Variants in L3MBTL4 observed in about 807,000 individuals in gnomAD.
L3MBTL4 encodes L3MBTL histone methyl-lysine binding protein 4.
A neutral mutation model predicts 84.5 loss-of-function variants in L3MBTL4; 70 were observed. That is an observed-to-expected ratio of 0.83 (90% CI 0.68 to 1.01). The LOEUF (loss-of-function observed/expected upper bound fraction) is 1.01, where lower values mean the gene tolerates loss of function less well. Ranked by LOEUF, L3MBTL4 falls within the 50% of genes least tolerant of loss-of-function variation. The pLI, the probability that L3MBTL4 is intolerant of heterozygous loss-of-function variation, is 0.00. For missense variants in L3MBTL4, 715 were observed against 754.8 expected, an observed-to-expected ratio of 0.95 and a Z score of 0.62; for synonymous variants, 274 against 259.8, an observed-to-expected ratio of 1.05 and a Z score of -0.52.
At chr18:5,959,451 G>A (rs966702010) in intron 18 of L3MBTL4, among the ~76,000 whole-genome samples, 4 of 152,150 alleles carry the variant, frequency 2.6e-5, no homozygotes. Context: ...TTCTGTAGCT[G>A]GTCCAGTCTC....
chr18:6,020,718 G>A (rs1401647071), intron 16 of L3MBTL4, among the ~76,000 whole-genome samples: 3 of 152,128 alleles, frequency 2.0e-5, no homozygotes, highest in African/African-American at 7.2e-5. Context: ...GTGAAGGAGA[G>A]GAGTCAAGGA....
intron 16 of L3MBTL4, among the ~76,000 whole-genome samples, chr18:5,986,606 G>T (rs958403457): frequency 5.3e-5 from 8 of 152,100 alleles, no homozygotes; most frequent in Admixed American, 2.6e-4. Flanking sequence ...TTCAAAATAG[G>T]CACTGTTAAA....
chr18:6,221,440 A>ATCTGCCAAGGGTCTATCACAAT (rs2046549225), intron 10 of L3MBTL4, among the ~76,000 whole-genome samples: 1 of 152,214 alleles, frequency 6.6e-6, no homozygotes, highest in African/African-American at 2.4e-5. Flanking sequence ...CAATAGACAG[A>ATCTGCCAAGGGTCTATCACAAT]ATGTTCAGCA....
intron 16 of L3MBTL4, among the ~76,000 whole-genome samples, chr18:5,972,003 C>G (rs1005737750): frequency 2.6e-5 from 4 of 152,108 alleles, no homozygotes; most frequent in Non-Finnish European, 2.9e-5. Context: ...TGAAGGGAAG[C>G]CTGAATAAAA....
chr18:6,196,922 C>T (rs138765784), intron 12 of L3MBTL4, among the ~76,000 whole-genome samples: 42 of 152,338 alleles, frequency 2.8e-4, no homozygotes, highest in Non-Finnish European at 4.6e-4. Context: ...CTTTCTCTCA[C>T]TTGCAACAGA....
At chr18:6,028,733 T>A (rs903373438) in intron 16 of L3MBTL4, among the ~76,000 whole-genome samples, 8 of 152,174 alleles carry the variant, frequency 5.3e-5, no homozygotes, top group African/African-American at 1.9e-4. Context: ...TTGTAGTTCT[T>A]CTTGAAGAGG....
Position 5,955,552 on chromosome 18 carries a change from C to G in L3MBTL4, c.*668G>C, listed in dbSNP as rs541639508. ...TTGGAAGTGCCCACCTGACCGTCCT[C>G]TCATTACTCCTGGCTACTCTCCTTT... is the stretch of plus-strand genomic sequence containing the variant. On this transcript the variant is annotated 3_prime_UTR_variant, in exon 19 of 19. Coordinates refer to ENST00000317931, the MANE Select transcript of L3MBTL4 (RefSeq NM_001330559.2). The G allele has an allele frequency of 2.0e-5, 3 of 152,366 alleles. No homozygotes were observed. The South Asian group carries it at 6.2e-4, about 32-fold the overall frequency. 9.4% of individuals were successfully genotyped at this position (152,366 alleles called of 1,614,324 possible).
At chr18:6,029,430 A>T (rs1468406654) in intron 16 of L3MBTL4, 1 of 951,848 alleles carries the variant, frequency 1.1e-6, no homozygotes, top group African/African-American at 1.8e-5. Flanking sequence ...CAAAATAATT[A>T]CATGAAAAAA....
At chr18:6,376,034 A>G (rs2054353741) in intron 1 of L3MBTL4, among the ~76,000 whole-genome samples, 1 of 151,984 alleles carries the variant, frequency 6.6e-6, no homozygotes. Flanking sequence ...GAAACTCCAA[A>G]CTCGTCACTG....
intron 17 of L3MBTL4, among the ~76,000 whole-genome samples, chr18:5,965,809 T>C (rs576587479): frequency 9.2e-5 from 14 of 152,298 alleles, no homozygotes; most frequent in Admixed American, 3.3e-4. Flanking sequence ...GGGCATCTAG[T>C]TGGGGAGACA....
intron 4 of L3MBTL4, among the ~76,000 whole-genome samples, chr18:6,292,877 C>T (rs1029828002): frequency 3.7e-5 from 4 of 107,060 alleles, no homozygotes; most frequent in Non-Finnish European, 8.0e-5. Flanking sequence ...CCTCCTCCAA[C>T]TCTAAGACTA....
chr18:6,253,017 C>G (rs111738650), intron 5 of L3MBTL4, among the ~76,000 whole-genome samples: 1 of 152,012 alleles, frequency 6.6e-6, no homozygotes, highest in Non-Finnish European at 1.5e-5. Flanking sequence ...TCCTGGCCAA[C>G]GTGGTGAAAC....
At chr18:6,319,564 C>A (rs2051297494) in intron 1 of L3MBTL4, among the ~76,000 whole-genome samples, 1 of 151,902 alleles carries the variant, frequency 6.6e-6, no homozygotes, top group African/African-American at 2.4e-5. Flanking sequence ...ACATACACCC[C>A]TCCTAGATTA....
intron 1 of L3MBTL4, among the ~76,000 whole-genome samples, chr18:6,322,629 A>T (rs1314712196): frequency 6.6e-6 from 1 of 152,198 alleles, no homozygotes; most frequent in Non-Finnish European, 1.5e-5. Flanking sequence ...CAGATGAATG[A>T]ATAAAGAAAA....
At chr18:6,020,101 A>G (rs1278812977) in intron 16 of L3MBTL4, among the ~76,000 whole-genome samples, 2 of 152,188 alleles carry the variant, frequency 1.3e-5, no homozygotes. Flanking sequence ...CAGTTAAATA[A>G]TTAAAATAGA....
intron 1 of L3MBTL4, among the ~76,000 whole-genome samples, chr18:6,363,907 A>G (rs2053820713): frequency 6.6e-6 from 1 of 152,034 alleles, no homozygotes; most frequent in African/African-American, 2.4e-5. Flanking sequence ...ACTTCTCATT[A>G]TTACCATGCT....
chr18:5,995,702 G>A (rs961589607), intron 16 of L3MBTL4, among the ~76,000 whole-genome samples: 2 of 152,178 alleles, frequency 1.3e-5, no homozygotes, highest in Admixed American at 6.5e-5. Context: ...CTAAGAACTC[G>A]TGCAGTAAAA....
At chr18:6,193,326 T>C (rs1378499843) in intron 12 of L3MBTL4, among the ~76,000 whole-genome samples, 2 of 151,680 alleles carry the variant, frequency 1.3e-5, no homozygotes, top group South Asian at 2.1e-4. Context: ...AGCCTATAAA[T>C]ACGAGGAATA....
At chr18:6,225,246 G>T (rs190777462) in intron 10 of L3MBTL4, among the ~76,000 whole-genome samples, 2 of 152,238 alleles carry the variant, frequency 1.3e-5, no homozygotes, top group Non-Finnish European at 2.9e-5. Flanking sequence ...CAGAGCATAC[G>T]AGGAAGCAGT....
Sources: gnomAD v4.1 joint callset for allele counts (sites outside exome capture counted in the v4.1 genomes callset) on GRCh38, gnomAD v4.1.1 for gene constraint, MANE v1.5 for transcripts, NCBI Gene and HGNC (gene_info 2026-07-23, HGNC 2026-07-21) for gene names.